Variants in COG5 observed in about 807,000 individuals in gnomAD.
The protein encoded by COG5 is component of oligomeric golgi complex 5.
In COG5, 86 loss-of-function variants were observed where a neutral mutation model predicts 110.4. The observed-to-expected ratio is 0.78, with a 90% confidence interval of 0.65 to 0.93. COG5 has a LOEUF of 0.93. Ranked by LOEUF, COG5 falls within the 40% of genes least tolerant of loss-of-function variation. The pLI, the probability that COG5 is intolerant of heterozygous loss-of-function variation, is 0.00. For synonymous variants in COG5, 360 were observed against 334.6 expected (o/e 1.08, Z -0.83); for missense variants, 1,077 against 987.0 (o/e 1.09, Z -1.22).
intron 5 of COG5, among the ~76,000 whole-genome samples, chr7:107,544,875 G>C (rs1019459521): frequency 6.6e-6 from 1 of 152,064 alleles, no homozygotes; most frequent in Non-Finnish European, 1.5e-5. Flanking sequence ...AATACAACTA[G>C]ACAAGTACAC....
rs1220780145 is a variant in COG5 at position 107,558,070 on chromosome 7, T to G, written c.140A>C (p.Tyr47Ser). 6.2e-7 allele frequency: 1 copy of G among 1,613,860 alleles called. No homozygotes were observed. The highest frequency in any genetic ancestry group is 1.3e-5 in the African/African-American group (1 of 74,914). ...AGCTTGATGAATAGATTGAGAAGTA[T>G]AAGTCTTTACATCAAAGTCTTCGTT... ...FLNEDFDVKTYTSQSIHQAVI... is the reference protein window; with the variant it reads ...FLNEDFDVKTSTSQSIHQAVI... The change falls in exon 2 of 22, where the codon TAT (tyrosine) becomes TCT (serine). Residue 47 changes from tyrosine (Y) to serine (S), a missense_variant. Tyr to Ser is a moderately radical substitution (Grantham distance 144). Coordinates refer to ENST00000297135, the MANE Select transcript of COG5 (RefSeq NM_006348.5).
In COG5 at chr7:107,211,357, C is replaced by A. The variant is rs1016781288; in HGVS notation, c.2169-132G>T. Reference sequence around the variant, plus strand: ...CTGAAGGAGCCCTCCACTGCTTAACCACTCTATTCAGCCTTGAGACGCCCA... The same window carrying A: ...CTGAAGGAGCCCTCCACTGCTTAACAACTCTATTCAGCCTTGAGACGCCCA... On this transcript the variant is annotated intron_variant, in intron 19 of 21. Transcript: ENST00000297135. 4 of 982,896 alleles carry A rather than the reference C, an allele frequency of 4.1e-6. No individual in the cohort carries two copies. The African/African-American group carries it at 6.4e-5, about 16-fold the overall frequency. The allele number at this position is 982,896 out of a possible 1,614,324, so 60.9% of individuals were successfully genotyped here.
intron 12 of COG5, among the ~76,000 whole-genome samples, chr7:107,291,914 T>G (rs1046991546): frequency 1.3e-4 from 20 of 152,206 alleles, no homozygotes. Flanking sequence ...AGAATACCCT[T>G]AGGTTTAAAC....
At chr7:107,349,635 G>A (rs1811954873) in intron 10 of COG5, among the ~76,000 whole-genome samples, 1 of 151,892 alleles carries the variant, frequency 6.6e-6, no homozygotes, top group Non-Finnish European at 1.5e-5. Flanking sequence ...TCGGCTCACT[G>A]CAAGCTCCGC....
intron 11 of COG5, among the ~76,000 whole-genome samples, chr7:107,316,501 A>G (rs550425595): frequency 1.3e-5 from 2 of 152,078 alleles, no homozygotes; most frequent in South Asian, 4.2e-4. Context: ...GAGAATACTG[A>G]AGGTTTGTAA....
intron 17 of COG5, among the ~76,000 whole-genome samples, chr7:107,247,196 C>CTTACG (rs1802122187): frequency 6.6e-6 from 1 of 151,944 alleles, no homozygotes; most frequent in African/African-American, 2.4e-5. Context: ...AAGAAGGAAA[C>CTTACG]AACAGACACT....
At chr7:107,507,194 T>G (rs796410327) in intron 6 of COG5, among the ~76,000 whole-genome samples, 1 of 152,244 alleles carries the variant, frequency 6.6e-6, no homozygotes, top group African/African-American at 2.4e-5. Context: ...GCTCACAGTA[T>G]AGGCTGTAGC....
chr7:107,206,016 A>G (rs1049486909), intron 21 of COG5, among the ~76,000 whole-genome samples: 1 of 150,504 alleles, frequency 6.6e-6, no homozygotes, highest in Non-Finnish European at 1.5e-5. Context: ...GCTGGAGTGC[A>G]GTGCCGCAAT....
rs74324918 is a variant in COG5, at chr7:107,522,589, G to A, written c.538+4648C>T. ...CTGCACATGTATCCCGGAACTTAAA[G>A]TAAAATTAAAAATTTAAGAAAAGAA... On this transcript the variant is annotated intron_variant, in intron 6 of 21. Transcript: ENST00000297135. Among the ~76,000 whole-genome samples the A allele has an allele frequency of 5.4e-3, 813 of 151,652 alleles. 48 individuals carry two copies. In the East Asian group the frequency reaches 0.11, roughly 20 times the overall value.
At chr7:107,402,302 G>T (rs1258990866) in intron 7 of COG5, among the ~76,000 whole-genome samples, 2 of 152,140 alleles carry the variant, frequency 1.3e-5, no homozygotes, top group South Asian at 4.1e-4. Flanking sequence ...CCACAGGGTC[G>T]AGATTATAGC....
At chr7:107,558,246 T>G in intron 1 of COG5, 131 bp from the exon 2 acceptor site, 1 of 827,562 alleles carries the variant, frequency 1.2e-6, no homozygotes, top group Non-Finnish European at 2.0e-6. Context: ...CTATACTGCT[T>G]AATGCTTACT....
chr7:107,274,525 C>T (rs1287798149), intron 14 of COG5, among the ~76,000 whole-genome samples: 1 of 151,970 alleles, frequency 6.6e-6, no homozygotes, highest in Admixed American at 6.6e-5. Context: ...TGAGATCAGG[C>T]CCAGGATAGG....
chr7:107,517,903 G>T (rs1042094908), intron 6 of COG5, among the ~76,000 whole-genome samples: 5 of 151,894 alleles, frequency 3.3e-5, no homozygotes, highest in African/African-American at 1.2e-4. Flanking sequence ...TCACTATGTT[G>T]GTCAGGCTGG....
chr7:107,407,153 G>A (rs1280936038), intron 7 of COG5, among the ~76,000 whole-genome samples: 2 of 152,284 alleles, frequency 1.3e-5, no homozygotes, highest in South Asian at 4.1e-4. Flanking sequence ...AGACAGAGGC[G>A]GGTCGATCAT....
intron 10 of COG5, among the ~76,000 whole-genome samples, chr7:107,331,594 C>T (rs1810253156): frequency 6.6e-6 from 1 of 152,044 alleles, no homozygotes; most frequent in Non-Finnish European, 1.5e-5. Context: ...CAAAAGGTAC[C>T]TTTCTATGGC....
intron 6 of COG5, among the ~76,000 whole-genome samples, chr7:107,439,087 T>C (rs539893157): frequency 2.0e-5 from 3 of 152,144 alleles, no homozygotes; most frequent in Non-Finnish European, 4.4e-5. Context: ...CAATTTCTGC[T>C]ACCCAATCCC....
At chr7:107,226,664 C>T (rs981233737) in intron 19 of COG5, among the ~76,000 whole-genome samples, 3 of 152,202 alleles carry the variant, frequency 2.0e-5, no homozygotes, top group African/African-American at 7.2e-5. Context: ...CATCTCTCTT[C>T]TTCTCATCTG....
chr7:107,305,629 C>G (rs955887918), intron 11 of COG5, among the ~76,000 whole-genome samples: 1 of 152,024 alleles, frequency 6.6e-6, no homozygotes, highest in Admixed American at 6.6e-5. Flanking sequence ...AAGGTATCAA[C>G]CATGGGTGGA....
At chr7:107,537,616 T>C (rs955368588) in intron 5 of COG5, among the ~76,000 whole-genome samples, 1 of 151,828 alleles carries the variant, frequency 6.6e-6, no homozygotes, top group Non-Finnish European at 1.5e-5. Flanking sequence ...AGGGATAGCA[T>C]TAGAAGAAAT....
Sources: allele counts gnomAD v4.1 joint callset (sites outside exome capture counted in the v4.1 genomes callset), GRCh38; gene constraint gnomAD v4.1.1; transcripts MANE v1.5; gene names NCBI Gene and HGNC (gene_info 2026-07-23, HGNC 2026-07-21).